Variants in SGCD observed in about 807,000 individuals in gnomAD.
The protein encoded by SGCD is sarcoglycan delta, also known as delta-sarcoglycan.
Under a neutral mutation model 36.6 loss-of-function variants are expected in SGCD, and 18 were observed. The ratio of observed to expected loss-of-function variants is 0.49; its 90% CI spans 0.34 to 0.73. The LOEUF is 0.73. Ranked by LOEUF, SGCD falls within the 30% of genes least tolerant of loss-of-function variation. The pLI is 0.01. For missense variants in SGCD, 387 were observed against 346.7 expected, an observed-to-expected ratio of 1.12 and a Z score of -0.92; for synonymous variants, 133 against 130.6, an observed-to-expected ratio of 1.02 and a Z score of -0.12.
intron 1 of SGCD, among the ~76,000 whole-genome samples, chr5:155,917,076 G>T (rs1424336937): frequency 2.6e-5 from 4 of 152,124 alleles, no homozygotes; most frequent in African/African-American, 4.8e-5. Flanking sequence ...CAGTCATTAT[G>T]CATCAAAGGC....
intron 3 of SGCD, among the ~76,000 whole-genome samples, chr5:156,228,671 T>C (rs1764918591): frequency 6.6e-6 from 1 of 152,190 alleles, no homozygotes; most frequent in Admixed American, 6.5e-5. Flanking sequence ...TACCATTCCA[T>C]TGATCATGCT....
At chr5:156,629,865 T>TC in intron 6 of SGCD, among the ~76,000 whole-genome samples, 1 of 145,114 alleles carries the variant, frequency 6.9e-6, no homozygotes, top group African/African-American at 2.5e-5. Flanking sequence ...CTTTTTTTTT[T>TC]TTTTTTTTTT....
intron 3 of SGCD, among the ~76,000 whole-genome samples, chr5:156,131,430 A>G (rs1762320750): frequency 1.3e-5 from 2 of 152,196 alleles, no homozygotes; most frequent in East Asian, 1.9e-4. Flanking sequence ...CTGCTAAAAA[A>G]CTAATATGTG....
chr5:156,372,253 T>C (rs1037961161), intron 3 of SGCD, among the ~76,000 whole-genome samples: 14 of 152,208 alleles, frequency 9.2e-5, no homozygotes, highest in Non-Finnish European at 1.5e-5. Context: ...CTAAGAGGTA[T>C]GGTATCGTGG....
chr5:156,732,311 A>G (rs967704445), intron 7 of SGCD, among the ~76,000 whole-genome samples: 2 of 151,940 alleles, frequency 1.3e-5, no homozygotes, highest in African/African-American at 2.4e-5. Flanking sequence ...TTTAACATGA[A>G]TGGATGTTGA....
chr5:155,988,847 T>C (rs1290879640), intron 1 of SGCD, among the ~76,000 whole-genome samples: 1 of 152,314 alleles, frequency 6.6e-6, no homozygotes, highest in East Asian at 1.9e-4. Flanking sequence ...ACCAGAACAC[T>C]GGAAACATTC....
chr5:155,793,969 AAGAG>A, the SGCD span, among the ~76,000 whole-genome samples: 3 of 151,200 alleles, frequency 2.0e-5, no homozygotes, highest in African/African-American at 4.9e-5. Context: ...AAAAAAAAAA[AAGAG>A]AGAGAAAGAA....
At chr5:155,898,817 C>A (rs1756324115) in intron 1 of SGCD, among the ~76,000 whole-genome samples, 1 of 152,184 alleles carries the variant, frequency 6.6e-6, no homozygotes, top group South Asian at 2.1e-4. Context: ...AGGAAACTCT[C>A]TTAACACACT....
chr5:156,116,034 G>A (rs1451235045), intron 1 of SGCD, among the ~76,000 whole-genome samples: 1 of 151,848 alleles, frequency 6.6e-6, no homozygotes, highest in Non-Finnish European at 1.5e-5. Flanking sequence ...ATTTTATTAG[G>A]GGCTACAAAA....
intron 3 of SGCD, among the ~76,000 whole-genome samples, chr5:156,206,789 A>G (rs1329935097): frequency 6.6e-6 from 1 of 151,902 alleles, no homozygotes; most frequent in African/African-American, 2.4e-5. Context: ...TTTGTATGGC[A>G]TAGAGCATAT....
At chr5:156,758,292 C>A (rs1757413045) in intron 8 of SGCD, among the ~76,000 whole-genome samples, 1 of 152,168 alleles carries the variant, frequency 6.6e-6, no homozygotes, top group Non-Finnish European at 1.5e-5. Context: ...TTACTACCCA[C>A]ACCCAAAATG....
intron 3 of SGCD, among the ~76,000 whole-genome samples, chr5:156,391,748 A>G (rs966763357): frequency 3.3e-5 from 5 of 152,206 alleles, no homozygotes; most frequent in African/African-American, 1.2e-4. Flanking sequence ...ATACTAAGGG[A>G]TGACTCTCTA....
At chr5:156,138,399 TCAAAACAAAA>T (rs899904675) in intron 3 of SGCD, among the ~76,000 whole-genome samples, 13 of 152,152 alleles carry the variant, frequency 8.5e-5, no homozygotes, top group African/African-American at 3.1e-4. Context: ...AGACTTCATC[TCAAAACAAAA>T]CAAAACAAAA....
At chr5:156,758,468 C>T (rs1285950565) in intron 8 of SGCD, among the ~76,000 whole-genome samples, 2 of 151,954 alleles carry the variant, frequency 1.3e-5, no homozygotes, top group African/African-American at 4.8e-5. Context: ...TGCTTCTATA[C>T]ATCCACTCGA....
chr5:156,093,068 A>G (rs1761285178), intron 1 of SGCD, among the ~76,000 whole-genome samples: 1 of 152,224 alleles, frequency 6.6e-6, no homozygotes, highest in African/African-American at 2.4e-5. Context: ...ATCTCTGTTC[A>G]TCATCAAGGC....
chr5:156,167,704 C>T (rs1763247432), intron 3 of SGCD, among the ~76,000 whole-genome samples: 1 of 152,134 alleles, frequency 6.6e-6, no homozygotes, highest in African/African-American at 2.4e-5. Context: ...TGCCTTCTGC[C>T]ATGGCTAAAA....
chr5:155,732,597 G>T, the SGCD span, among the ~76,000 whole-genome samples: 1 of 152,186 alleles, frequency 6.6e-6, no homozygotes, highest in South Asian at 2.1e-4. Context: ...TCTCAGTCCA[G>T]CCTTCTTCTC....
In SGCD at chr5:156,374,634, A is replaced by G. The variant is rs552197857; in HGVS notation, c.192+29957A>G. The stretch of plus-strand genomic sequence containing the variant: ...GTTTCTTGGAGCAGAAGCTTCCTGC[A>G]TGAATAAACAATACAAAGCAACCCT... On this transcript the variant is annotated intron_variant, in intron 3 of 8. Transcript: ENST00000337851. Among the ~76,000 whole-genome samples the G allele has an allele frequency of 2.2e-4, 34 of 151,704 alleles. 1 individual carries two copies. Among genetic ancestry groups the G allele is most frequent in the African/African-American group, 7.5e-4 (31 of 41,362 alleles).
intron 3 of SGCD, among the ~76,000 whole-genome samples, chr5:156,164,781 G>T (rs1420552928): frequency 2.0e-5 from 3 of 152,180 alleles, no homozygotes; most frequent in African/African-American, 7.2e-5. Context: ...AAAACACTGT[G>T]CTTGGCTTTC....
Sources: allele counts gnomAD v4.1 joint callset (sites outside exome capture counted in the v4.1 genomes callset), GRCh38; gene constraint gnomAD v4.1.1; transcripts MANE v1.5; gene names NCBI Gene and HGNC (gene_info 2026-07-23, HGNC 2026-07-21).